The following TOPAZ1 variants were observed in gnomAD, a reference collection of about 807,000 sequenced individuals.
The protein encoded by TOPAZ1 is protein TOPAZ1.
In TOPAZ1, 66 loss-of-function variants were observed where a neutral mutation model predicts 172.2. The observed-to-expected ratio is 0.38, with a 90% CI of 0.31 to 0.47. TOPAZ1 has a LOEUF of 0.47. TOPAZ1 is among the 20% of genes least tolerant of loss of function. TOPAZ1 has a pLI of 0.99. For missense variants in TOPAZ1, 1,822 were observed against 1,972.4 expected (o/e 0.92, Z 1.44); for synonymous variants, 681 against 683.9 (o/e 1.00, Z 0.07).
chr3:44,309,698 G>A, intron 15 of TOPAZ1, 127 bp from the exon 16 acceptor site: 1 of 678,258 alleles, frequency 1.5e-6, no homozygotes, highest in Non-Finnish European at 2.5e-6. Flanking sequence ...GAGTCTTGGA[G>A]CAGCTTAACA....
intron 5 of TOPAZ1, among the ~76,000 whole-genome samples, chr3:44,266,698 A>G (rs779358796): frequency 6.6e-6 from 1 of 152,136 alleles, no homozygotes; most frequent in African/African-American, 2.4e-5. Flanking sequence ...CCCTGAAACA[A>G]TATCAGTAGT....
intron 2 of TOPAZ1, among the ~76,000 whole-genome samples, chr3:44,253,559 T>C (rs1218773636): frequency 6.6e-6 from 1 of 152,080 alleles, no homozygotes; most frequent in Non-Finnish European, 1.5e-5. Flanking sequence ...AAAAGCTGTA[T>C]TGGGGAGGTG....
At chr3:44,285,981 G>C (rs1474200295) in intron 9 of TOPAZ1, among the ~76,000 whole-genome samples, 1 of 151,938 alleles carries the variant, frequency 6.6e-6, no homozygotes, top group Admixed American at 6.6e-5. Flanking sequence ...GGCCAAGGCG[G>C]GCAGATCACC....
At position 44,243,729 on chromosome 3, in the gene TOPAZ1, C is replaced by T. The variant is rs187074604; in HGVS notation, c.1223C>T (p.Ser408Phe). 1.9e-6 allele frequency: 3 copies of T among 1,551,296 alleles called. No homozygotes were observed. The highest frequency in any genetic ancestry group is 3.9e-5 in the Admixed American group (2 of 50,922). Residue 408 changes from serine (S) to phenylalanine (F), a missense_variant, in exon 2 of 20, where the codon TCT (serine) becomes TTT (phenylalanine). Around this residue, in one of 2 missense-constraint regions of TOPAZ1, gnomAD observed 1,489 missense variants for 1,490.8 expected, o/e 1.00. Transcript: ENST00000309765. ...GAAACAGTAGAAAAAGAAACAAGTT[C>T]TGAACATCATGTAAATGCTGTGTTT... is the stretch of plus-strand genomic sequence containing the variant. ...VPETVEKETSSEHHVNAVFQK... is the reference protein window; with the variant it reads ...VPETVEKETSFEHHVNAVFQK...
intron 16 of TOPAZ1, among the ~76,000 whole-genome samples, chr3:44,315,403 G>A (rs1469940313): frequency 2.0e-5 from 3 of 151,468 alleles, no homozygotes; most frequent in Admixed American, 2.0e-4. Context: ...ATCTTGCTCT[G>A]TTGCCCAGGC....
At chr3:44,287,651 A>G in intron 10 of TOPAZ1, 96 bp from the exon 11 acceptor site, 7 of 1,024,392 alleles carry the variant, frequency 6.8e-6, no homozygotes, top group Non-Finnish European at 9.7e-6. Context: ...TACTTCCTAG[A>G]AACCACTTGT....
intron 16 of TOPAZ1, among the ~76,000 whole-genome samples, chr3:44,310,420 A>T (rs918454261): frequency 6.6e-6 from 1 of 151,660 alleles, no homozygotes; most frequent in East Asian, 1.9e-4. Flanking sequence ...AATCGCTTGA[A>T]CCCGGGAGGC....
Position 44,243,850 on chromosome 3 carries a change from G to A in TOPAZ1, c.1344G>A (p.Ser448=), listed in dbSNP as rs748216178. 3.9e-6 allele frequency: 6 copies of A among 1,551,630 alleles called. No homozygotes were observed. The Admixed American group carries it at 9.8e-5, about 25-fold the overall frequency. The change falls in exon 2 of 20, where the codon TCG becomes TCA. Residue 448 remains serine, a synonymous_variant. Transcript: ENST00000309765. ...ESMASKEDFK[S]MKSFIGKSPN... is the part of the protein sequence containing the mutation. The stretch of plus-strand genomic sequence containing the variant: ...TGGCATCGAAAGAGGATTTTAAATC[G>A]ATGAAAAGCTTCATAGGGAAATCAC...
At chr3:44,272,650 C>A (rs1176507428) in intron 8 of TOPAZ1, among the ~76,000 whole-genome samples, 1 of 152,154 alleles carries the variant, frequency 6.6e-6, no homozygotes, top group Non-Finnish European at 1.5e-5. Context: ...CAGCCTCCAC[C>A]TCCTGGTTCA....
chr3:44,262,929 T>G (rs1575710566), intron 5 of TOPAZ1, among the ~76,000 whole-genome samples: 1 of 152,166 alleles, frequency 6.6e-6, no homozygotes, highest in Non-Finnish European at 1.5e-5. Context: ...TCCACCACCC[T>G]CATTTTGCAT....
At chr3:44,266,632 C>T (rs928704074) in intron 5 of TOPAZ1, among the ~76,000 whole-genome samples, 1 of 152,186 alleles carries the variant, frequency 6.6e-6, no homozygotes, top group African/African-American at 2.4e-5. Flanking sequence ...AGTCAGAACA[C>T]ACACATCATT....
At chr3:44,333,422 C>T (rs1395766294), downstream of TOPAZ1, among the ~76,000 whole-genome samples, 1 of 151,914 alleles carries the variant, frequency 6.6e-6, no homozygotes, top group Non-Finnish European at 1.5e-5. Context: ...TTTTGAGGCA[C>T]CTTTGAAAAC....
chr3:44,251,699 C>G (rs904615272), intron 2 of TOPAZ1, among the ~76,000 whole-genome samples: 2 of 152,168 alleles, frequency 1.3e-5, no homozygotes, highest in African/African-American at 2.4e-5. Context: ...GAAAAGTGCT[C>G]TGGTAGAGAA....
At chr3:44,296,847 C>CAAAAA (rs141080618) in intron 12 of TOPAZ1, among the ~76,000 whole-genome samples, 53 of 104,728 alleles carry the variant, frequency 5.1e-4, no homozygotes, top group East Asian at 1.8e-3. Flanking sequence ...CAGAGAATAC[C>CAAAAA]AAAAAAAAAA....
At chr3:44,333,869 C>T (rs780343566), downstream of TOPAZ1, among the ~76,000 whole-genome samples, 33 of 152,220 alleles carry the variant, frequency 2.2e-4, no homozygotes, top group Admixed American at 5.2e-4. Flanking sequence ...TGCAGCAGGG[C>T]GCTTCAGCAA....
chr3:44,295,785 G>A (rs1700187839), intron 12 of TOPAZ1, among the ~76,000 whole-genome samples: 1 of 152,030 alleles, frequency 6.6e-6, no homozygotes, highest in Non-Finnish European at 1.5e-5. Context: ...TTATAGTTGG[G>A]GACTTCAATA....
chr3:44,313,027 A>T (rs1700412206), intron 16 of TOPAZ1, among the ~76,000 whole-genome samples: 1 of 151,918 alleles, frequency 6.6e-6, no homozygotes, highest in Admixed American at 6.6e-5. Flanking sequence ...TCAGTGAAAA[A>T]TTTTTCTACA....
At chr3:44,276,621 G>GTTTTTTTTTTTT (rs1699960637) in intron 8 of TOPAZ1, among the ~76,000 whole-genome samples, 2 of 26,552 alleles carry the variant, frequency 7.5e-5, no homozygotes, top group Non-Finnish European at 1.4e-4. Flanking sequence ...CTCCAGCTTT[G>GTTTTTTTTTTTT]TTCTTTTTTT....
chr3:44,290,329 T>C (rs1700122794), intron 11 of TOPAZ1, among the ~76,000 whole-genome samples: 1 of 152,170 alleles, frequency 6.6e-6, no homozygotes, highest in African/African-American at 2.4e-5. Context: ...ATTTTTTTAA[T>C]TACGTGCTAT....
Sources: gnomAD v4.1 joint callset for allele counts (sites outside exome capture counted in the v4.1 genomes callset) on GRCh38, gnomAD v4.1.1 for gene constraint, gnomAD v4.1.1 regional missense constraint, MANE v1.5 for transcripts, NCBI Gene and HGNC (gene_info 2026-07-23, HGNC 2026-07-21) for gene names.